MPDZ: variants seen among roughly 807,000 people sequenced by gnomAD.
MPDZ encodes multiple PDZ domain protein.
MPDZ carries 234 observed loss-of-function variants against 239.1 expected under a neutral mutation model. That is an observed-to-expected ratio of 0.98 (90% CI 0.88 to 1.09). The LOEUF (loss-of-function observed/expected upper bound fraction) is 1.09. Ranked by LOEUF, MPDZ falls within the 50% of genes least tolerant of loss-of-function variation. The probability of loss-of-function intolerance (pLI) is 0.00; values close to 1 mark genes in which losing one functional copy is unlikely to be tolerated. For synonymous variants in MPDZ, 1,048 were observed against 881.3 expected, an observed-to-expected ratio of 1.19 and a Z score of -3.35; for missense variants, 3,175 against 2,510.0, an observed-to-expected ratio of 1.26 and a Z score of -5.66.
chr9:13,250,342 T>C lies in MPDZ; in HGVS notation c.-27A>G, dbSNP rs41265296. The C allele has an allele frequency of 6.3e-7, 1 of 1,575,542 alleles. No homozygotes were observed. The highest frequency in any genetic ancestry group is 2.3e-5 in the East Asian group (1 of 43,732). On this transcript the variant is annotated 5_prime_UTR_variant, in exon 2 of 47. Transcript: ENST00000319217. ...TTTTTCAAAGTTCAGTGTTCTTCTCTGAAATGATTAACAGCAATTAAAATG... is the reference window on the plus strand; with the variant it reads ...TTTTTCAAAGTTCAGTGTTCTTCTCCGAAATGATTAACAGCAATTAAAATG...
At chr9:13,257,878 CA>C (rs1487482681) in intron 1 of MPDZ, among the ~76,000 whole-genome samples, 3 of 152,160 alleles carry the variant, frequency 2.0e-5, no homozygotes, top group Non-Finnish European at 4.4e-5. Flanking sequence ...ATCTGAAATT[CA>C]AACTTAACTT....
chr9:13,150,803 G>A, intron 24 of MPDZ, 115 bp from the exon 25 acceptor site: 1 of 606,088 alleles, frequency 1.6e-6, no homozygotes, highest in Non-Finnish European at 2.4e-6. Context: ...GAGAACAAAA[G>A]AAAAAATAGA....
chr9:13,278,444 C>G (rs922983747), intron 1 of MPDZ, among the ~76,000 whole-genome samples: 1 of 152,128 alleles, frequency 6.6e-6, no homozygotes, highest in Non-Finnish European at 1.5e-5. Flanking sequence ...TCTCCTCCCC[C>G]GCAGTCTCCG....
chr9:13,264,042 C>A (rs1486710645), intron 1 of MPDZ, among the ~76,000 whole-genome samples: 2 of 152,010 alleles, frequency 1.3e-5, no homozygotes, highest in African/African-American at 2.4e-5. Flanking sequence ...TAGTATCATA[C>A]CTTTTCCTAT....
chr9:13,275,998 AATG>A (rs1350910050), intron 1 of MPDZ, among the ~76,000 whole-genome samples: 1 of 152,160 alleles, frequency 6.6e-6, no homozygotes, highest in Non-Finnish European at 1.5e-5. Context: ...TACTAACCTC[AATG>A]ATAAGAGCAA....
In MPDZ at chr9:13,176,622, T is replaced by C. The variant is rs1952527297; in HGVS notation, c.2650-205A>G. On this transcript the variant is annotated intron_variant, in intron 19 of 46. Transcript: ENST00000319217. Reference sequence around the variant, plus strand: ...ATTTTCATAAATGCTTTTAAATACATTTCCTGAAAGTCATACATCTCACGT... The same window carrying C: ...ATTTTCATAAATGCTTTTAAATACACTTCCTGAAAGTCATACATCTCACGT... Among the ~76,000 whole-genome samples, 5 of 152,330 alleles carry C rather than the reference T, an allele frequency of 3.3e-5. No individual in the cohort carries two copies. In the South Asian group the frequency reaches 1.0e-3, roughly 32 times the overall value.
At chr9:13,113,439 C>A (rs1259114817) in intron 41 of MPDZ, among the ~76,000 whole-genome samples, 1 of 152,132 alleles carries the variant, frequency 6.6e-6, no homozygotes, top group African/African-American at 2.4e-5. Flanking sequence ...ATTAGTCATA[C>A]TGCAAACAGA....
chr9:13,109,318 C>A (rs1942021976), intron 45 of MPDZ, among the ~76,000 whole-genome samples: 1 of 152,110 alleles, frequency 6.6e-6, no homozygotes, highest in Non-Finnish European at 1.5e-5. Flanking sequence ...CTAACATATT[C>A]ATGGCATGTT....
chr9:13,149,970 T>G (rs1476734065), intron 25 of MPDZ, among the ~76,000 whole-genome samples: 2 of 151,428 alleles, frequency 1.3e-5, no homozygotes, highest in African/African-American at 2.4e-5. Context: ...TAAAAAAGAC[T>G]CACTTGGAAA....
At chr9:13,249,007 A>AAAAAAAAAAAT (rs1345543094) in intron 2 of MPDZ, among the ~76,000 whole-genome samples, 1 of 127,748 alleles carries the variant, frequency 7.8e-6, no homozygotes, top group African/African-American at 3.0e-5. Context: ...AAAAAAAAAA[A>AAAAAAAAAAAT]AATTGGAATC....
In MPDZ at chr9:13,136,716, TA is replaced by T; in HGVS notation, c.4287del (p.Phe1429LeufsTer8). 1 of 1,564,628 alleles carries T rather than the reference TA, an allele frequency of 6.4e-7. No individual in the cohort carries two copies. The highest frequency in any genetic ancestry group is 8.7e-7 in the Non-Finnish European group (1 of 1,144,184). Reference protein sequence around the residue: ...KCAPSKVKIIFIRNKDAVNQM... With the variant: ...KCAPSKVKIIXIRNKDAVNQM... ...CTAGCAAAAGAAAATGATCACCTGATAAAAATTATTTTCACTTTAGAAGGGG... is the reference window on the plus strand; with the variant it reads ...CTAGCAAAAGAAAATGATCACCTGATAAAATTATTTTCACTTTAGAAGGGG... On this transcript the variant is annotated frameshift_variant, in exon 30 of 47. Transcript: ENST00000319217. LOFTEE classifies it high-confidence loss of function.
intron 16 of MPDZ, among the ~76,000 whole-genome samples, chr9:13,189,617 T>C (rs1954624744): frequency 1.3e-5 from 2 of 152,160 alleles, no homozygotes; most frequent in East Asian, 1.9e-4. Flanking sequence ...AGACAGGCTT[T>C]ACCATCTCCT....
At chr9:13,184,257 C>T (rs531936078) in intron 18 of MPDZ, among the ~76,000 whole-genome samples, 18 of 152,050 alleles carry the variant, frequency 1.2e-4, no homozygotes, top group African/African-American at 3.6e-4. Flanking sequence ...TCTTCTGTCA[C>T]AGAATCAAGA....
Position 13,223,695 on chromosome 9 carries a change from C to G in MPDZ, c.409G>C (p.Val137Leu), listed in dbSNP as rs1210563874. The G allele has an allele frequency of 5.6e-6, 9 of 1,605,342 alleles. No individual in the cohort carries two copies. Among genetic ancestry groups the G allele is most frequent in the African/African-American group, 1.3e-5 (1 of 74,548 alleles). The stretch of plus-strand genomic sequence containing the variant: ...GATGGAGGTTTGAGGAGCTCAAAAA[C>G]TTCTACATGGCGACCCTGTTTAGGA... Reference protein sequence around the residue: ...KNMAQGRHVEVFELLKPPSGG... With the variant: ...KNMAQGRHVELFELLKPPSGG... The change falls in exon 5 of 47, where the codon GTT (valine) becomes CTT (leucine). Residue 137 changes from valine to leucine, a missense_variant. Transcript: ENST00000319217.
chr9:13,259,086 C>T (rs1024886037), intron 1 of MPDZ, among the ~76,000 whole-genome samples: 13 of 151,542 alleles, frequency 8.6e-5, no homozygotes, highest in African/African-American at 3.1e-4. Flanking sequence ...GTTATTTTAT[C>T]TAACAATCCT....
At position 13,188,915 on chromosome 9, in the gene MPDZ, G is replaced by C. The variant is rs1954520198; in HGVS notation, c.2233C>G (p.Leu745Val). 1 of 1,613,408 alleles carries C rather than the reference G, an allele frequency of 6.2e-7. No individual in the cohort carries two copies. The highest frequency in any genetic ancestry group is 1.7e-5 in the Admixed American group (1 of 59,960). ...AACATGAGTCGGTCACCAGGAAGAA[G>C]TCGTCCATCCTTTTCAGCAATGCCG... Reference protein sequence around the residue: ...PGGIAEKDGRLLPGDRLMFVN... With the variant: ...PGGIAEKDGRVLPGDRLMFVN... Residue 745 changes from leucine (L) to valine (V), a missense_variant, in exon 17 of 47, where the codon CTT becomes GTT. Leu to Val is a conservative substitution (Grantham distance 32, BLOSUM62 1). Coordinates refer to ENST00000319217, the MANE Select transcript of MPDZ (RefSeq NM_001378778.1).
chr9:13,113,838 TG>T, intron 41 of MPDZ, 92 bp downstream of exon 41: 2 of 965,010 alleles, frequency 2.1e-6, no homozygotes, highest in Non-Finnish European at 3.2e-6. Flanking sequence ...TGGGATGATT[TG>T]GGGGAAAAGA....
At chr9:13,122,450 A>T (rs1184800910) in intron 36 of MPDZ, among the ~76,000 whole-genome samples, 2 of 152,214 alleles carry the variant, frequency 1.3e-5, no homozygotes, top group Non-Finnish European at 2.9e-5. Flanking sequence ...TTTCTTATCC[A>T]TAAATGAAAT....
At chr9:13,242,383 G>A (rs1017810937) in intron 3 of MPDZ, among the ~76,000 whole-genome samples, 7 of 151,398 alleles carry the variant, frequency 4.6e-5, no homozygotes, top group African/African-American at 9.7e-5. Context: ...GCATGAACAC[G>A]CTCGGCTAAT....
Sources: allele counts gnomAD v4.1 joint callset (sites outside exome capture counted in the v4.1 genomes callset), GRCh38; gene constraint gnomAD v4.1.1; transcripts MANE v1.5; gene names NCBI Gene and HGNC (gene_info 2026-07-23, HGNC 2026-07-21).